CSMD1: variants seen among roughly 807,000 people sequenced by gnomAD.
CSMD1 encodes the protein CUB and Sushi multiple domains 1.
Under a neutral mutation model 417.5 loss-of-function variants are expected in CSMD1, and 213 were observed. The ratio of observed to expected loss-of-function variants is 0.51; its 90% CI spans 0.46 to 0.57. The LOEUF is 0.57. Ranked by LOEUF, CSMD1 falls within the 20% of genes least tolerant of loss-of-function variation. The pLI, the probability that CSMD1 is intolerant of heterozygous loss-of-function variation, is 0.00. For synonymous variants in CSMD1, 2,862 were observed against 1,736.8 expected (o/e 1.65, Z -16.11); for missense variants, 6,923 against 4,529.7 (o/e 1.53, Z -15.17).
At chr8:4,343,010 C>G (rs1224168207) in intron 3 of CSMD1, among the ~76,000 whole-genome samples, 1 of 152,104 alleles carries the variant, frequency 6.6e-6, no homozygotes, top group Non-Finnish European at 1.5e-5. Context: ...TGCAGTGCAC[C>G]TGACTTGTGC....
chr8:3,265,155 G>A (rs1375192706), intron 26 of CSMD1, among the ~76,000 whole-genome samples: 1 of 151,996 alleles, frequency 6.6e-6, no homozygotes, highest in African/African-American at 2.4e-5. Context: ...AAATATTTAA[G>A]GAATTTACAC....
At chr8:4,815,007 T>A (rs1324116058) in intron 1 of CSMD1, among the ~76,000 whole-genome samples, 2 of 152,174 alleles carry the variant, frequency 1.3e-5, no homozygotes, top group East Asian at 3.9e-4. Flanking sequence ...TTTAAATTTA[T>A]TAATTATATA....
At chr8:4,023,227 G>C (rs530013227) in intron 4 of CSMD1, among the ~76,000 whole-genome samples, 2 of 152,164 alleles carry the variant, frequency 1.3e-5, no homozygotes, top group African/African-American at 2.4e-5. Context: ...GATGTGAAAG[G>C]TGGCCATCTC....
Position 4,204,275 on chromosome 8 carries a change from AAC to A in CSMD1, c.416-172178_416-172177del, listed in dbSNP as rs1260820542. On this transcript the variant is annotated intron_variant, in intron 3 of 69. Coordinates refer to ENST00000635120, the MANE Select transcript of CSMD1 (RefSeq NM_033225.6). The stretch of plus-strand genomic sequence containing the variant: ...TTATGCAATGCTAGGAAAAAAAAAA[AAC>A]CTCAATTTGGAAGTTTTTGGTTTTC... 1.7e-3 allele frequency among the ~76,000 whole-genome samples: 261 copies of A among 152,116 alleles called. 3 individuals are homozygous for A. The highest frequency in any genetic ancestry group is 6.1e-3 in the African/African-American group (251 of 41,474).
At chr8:4,583,906 G>C (rs574567261) in intron 2 of CSMD1, among the ~76,000 whole-genome samples, 55 of 151,980 alleles carry the variant, frequency 3.6e-4, no homozygotes, top group Non-Finnish European at 6.9e-4. Flanking sequence ...TCACTCTTTG[G>C]GTCCACACTG....
chr8:4,499,732 G>C (rs989782310), intron 2 of CSMD1, among the ~76,000 whole-genome samples: 15 of 152,184 alleles, frequency 9.9e-5, no homozygotes, highest in Admixed American at 3.9e-4. Flanking sequence ...TATGGGCATT[G>C]ACAAGAATAT....
intron 3 of CSMD1, among the ~76,000 whole-genome samples, chr8:4,353,747 T>TTC (rs145985969): frequency 0.25 from 37,539 of 151,842 alleles, 4,814 homozygotes; most frequent in Admixed American, 0.3. Context: ...TCATGGAGAT[T>TTC]TCTTTTTTTG....
intron 5 of CSMD1, among the ~76,000 whole-genome samples, chr8:3,882,174 CA>C (rs1186611254): frequency 1.3e-5 from 2 of 151,578 alleles, no homozygotes; most frequent in African/African-American, 4.8e-5. Context: ...ACAGAATATA[CA>C]GACATCTTAC....
chr8:4,496,132 G>C (rs1228887893), intron 2 of CSMD1, among the ~76,000 whole-genome samples: 14 of 152,172 alleles, frequency 9.2e-5, no homozygotes, highest in Non-Finnish European at 1.9e-4. Context: ...GCAATGCCTA[G>C]TTTTGTCGAC....
intron 3 of CSMD1, among the ~76,000 whole-genome samples, chr8:4,233,862 T>C: frequency 6.6e-6 from 1 of 151,824 alleles, no homozygotes; most frequent in Non-Finnish European, 1.5e-5. Flanking sequence ...AAGAATCTAA[T>C]CCTGAGAATT....
At chr8:3,327,168 ACTCT>A (rs1457519546) in intron 23 of CSMD1, among the ~76,000 whole-genome samples, 4 of 148,858 alleles carry the variant, frequency 2.7e-5, no homozygotes, top group East Asian at 3.9e-4. Flanking sequence ...TTTGAAAGAG[ACTCT>A]CTCTGTCACC....
chr8:3,295,334 G>C (rs552507119), intron 25 of CSMD1, among the ~76,000 whole-genome samples: 1 of 151,892 alleles, frequency 6.6e-6, no homozygotes, highest in Non-Finnish European at 1.5e-5. Flanking sequence ...CACTGTGTTA[G>C]CCAGGAAGGT....
chr8:4,074,686 T>G (rs1008933954), intron 3 of CSMD1, among the ~76,000 whole-genome samples: 4 of 152,130 alleles, frequency 2.6e-5, no homozygotes, highest in Non-Finnish European at 4.4e-5. Flanking sequence ...GTTAAAATTT[T>G]GTATAAAGAT....
At chr8:3,916,221 C>A (rs2129141710) in intron 5 of CSMD1, among the ~76,000 whole-genome samples, 1 of 152,174 alleles carries the variant, frequency 6.6e-6, no homozygotes. Context: ...ATGTTGCCAA[C>A]CGGTCATTTA....
At chr8:3,589,920 A>G (rs1800773867) in intron 8 of CSMD1, among the ~76,000 whole-genome samples, 1 of 150,338 alleles carries the variant, frequency 6.7e-6, no homozygotes, top group Admixed American at 6.7e-5. Context: ...AATTGATTTC[A>G]TTTCTGGCAA....
intron 3 of CSMD1, among the ~76,000 whole-genome samples, chr8:4,223,727 G>A (rs753405206): frequency 8.5e-5 from 13 of 152,306 alleles, no homozygotes; most frequent in Middle Eastern, 3.4e-3. Context: ...GAAAAATGAG[G>A]AATTTGGGTC....
intron 41 of CSMD1, among the ~76,000 whole-genome samples, chr8:3,124,848 T>C (rs1488469198): frequency 6.6e-6 from 1 of 152,320 alleles, no homozygotes; most frequent in South Asian, 2.1e-4. Context: ...TCAAAACCCA[T>C]GGCTCATTTC....
rs1387617390 is a variant in CSMD1, at chr8:3,302,891, G to C, written c.3950+4804C>G. On this transcript the variant is annotated intron_variant, in intron 25 of 69. Coordinates refer to ENST00000635120, the MANE Select transcript of CSMD1 (RefSeq NM_033225.6). ...TATGAGTCAGAACTTTGCAAAGTGA[G>C]TGGGGTTGCAGGTTTCTTTCCTCTG... Among the ~76,000 whole-genome samples the C allele has an allele frequency of 2.0e-5, 3 of 152,298 alleles. No homozygotes were observed. In the East Asian group the frequency reaches 5.8e-4, roughly 29 times the overall value.
At chr8:4,410,548 A>C (rs74751786) in intron 3 of CSMD1, among the ~76,000 whole-genome samples, 1 of 152,074 alleles carries the variant, frequency 6.6e-6, no homozygotes, top group Non-Finnish European at 1.5e-5. Flanking sequence ...ATCCACTCTC[A>C]TTTTTGCTTA....
Sources: allele counts gnomAD v4.1 joint callset (sites outside exome capture counted in the v4.1 genomes callset), GRCh38; gene constraint gnomAD v4.1.1; transcripts MANE v1.5; gene names NCBI Gene and HGNC (gene_info 2026-07-23, HGNC 2026-07-21).